The following ZFYVE9 variants were observed in gnomAD, a reference collection of about 807,000 sequenced individuals.
ZFYVE9 encodes zinc finger FYVE domain-containing protein 9.
Under a neutral mutation model 126.7 loss-of-function variants are expected in ZFYVE9, and 43 were observed. The ratio of observed to expected loss-of-function variants is 0.34; its 90% CI spans 0.27 to 0.44. ZFYVE9 has a LOEUF of 0.44. Ranked by LOEUF, ZFYVE9 falls within the 20% of genes least tolerant of loss-of-function variation. ZFYVE9 has a pLI of 1.00. For missense variants in ZFYVE9, 1,476 were observed against 1,697.0 expected (o/e 0.87, Z 2.29); for synonymous variants, 521 against 597.4 (o/e 0.87, Z 1.87).
Position 52,239,032 on chromosome 1 carries a change from G to A in ZFYVE9, c.1615G>A (p.Gly539Ser). Residue 539 changes from glycine (G) to serine (S), a missense_variant, in exon 4 of 19, where the codon GGT becomes AGT. Physicochemically the swap from Gly to Ser is moderately conservative, Grantham distance 56 (BLOSUM62 0). Coordinates refer to ENST00000287727, the MANE Select transcript of ZFYVE9 (RefSeq NM_004799.4). ...GAGTGGACTACTTTTAAACAGCACT[G>A]GTGACCTAATGAAGAAAAATTATTT... ...EGSGLLLNST[G>S]DLMKKNYLHN... The A allele has an allele frequency of 1.2e-6, 2 of 1,614,090 alleles. No homozygotes were observed. The highest frequency in any genetic ancestry group is 2.2e-5 in the East Asian group (1 of 44,878).
chr1:52,314,028 T>C (rs1300295714), intron 13 of ZFYVE9, among the ~76,000 whole-genome samples: 1 of 152,122 alleles, frequency 6.6e-6, no homozygotes, highest in Non-Finnish European at 1.5e-5. Context: ...AGAGAAAAGG[T>C]GGTGGACCTA....
intron 11 of ZFYVE9, among the ~76,000 whole-genome samples, chr1:52,294,439 A>G (rs1291948103): frequency 6.6e-6 from 1 of 152,252 alleles, no homozygotes. Context: ...GTTCTCAGCA[A>G]GTCAACTTCA....
intron 4 of ZFYVE9, among the ~76,000 whole-genome samples, chr1:52,258,975 T>G (rs1040260214): frequency 3.3e-5 from 5 of 152,180 alleles, no homozygotes. Context: ...ACTCACTACT[T>G]CTGAATGTTC....
Position 52,305,777 on chromosome 1 carries a change from G to A in ZFYVE9, c.3438+1852G>A, listed in dbSNP as rs116096999. ...ACCCAGGCATCCTCGTGCTTGGGAA[G>A]GCCCCCCTCCCTTACAGCCCTGGAA... On this transcript the variant is annotated intron_variant, in intron 13 of 18. Transcript: ENST00000287727. Among the ~76,000 whole-genome samples the A allele has an allele frequency of 7.3e-3, 1,116 of 152,254 alleles. 15 individuals are homozygous for A. Among genetic ancestry groups the A allele is most frequent in the African/African-American group, 0.026 (1,075 of 41,576 alleles).
chr1:52,277,692 C>G (rs1224274852), intron 8 of ZFYVE9, among the ~76,000 whole-genome samples: 1 of 152,144 alleles, frequency 6.6e-6, no homozygotes, highest in Non-Finnish European at 1.5e-5. Context: ...AAGCAACATT[C>G]AACTTTTAGG....
chr1:52,205,184 C>T (rs1377116976), intron 1 of ZFYVE9, among the ~76,000 whole-genome samples: 2 of 150,134 alleles, frequency 1.3e-5, no homozygotes, highest in African/African-American at 4.9e-5. Context: ...AAGCAATCTT[C>T]CCACCTCAGT....
intron 4 of ZFYVE9, 21 bp from the exon 5 acceptor site, chr1:52,263,752 T>TGGGGGGGGGGG: frequency 2.1e-6 from 2 of 975,008 alleles, no homozygotes; most frequent in Non-Finnish European, 1.5e-6. Flanking sequence ...TTGTGTGTTC[T>TGGGGGGGGGGG]TCCCCCCCCC....
chr1:52,340,904 CAAAAAAAAAAAAAA>C lies in ZFYVE9; in HGVS notation c.3939+689_3939+702del, dbSNP rs10608842. On this transcript the variant is annotated intron_variant, in intron 17 of 18. Transcript: ENST00000287727. ...TAGGCAACAGAGCAAGACTCCGTCT[CAAAAAAAAAAAAAA>C]AAAAAAAAAAAAAAACTAGGCCGGG... Among the ~76,000 whole-genome samples the C allele has an allele frequency of 5.5e-3, 555 of 100,700 alleles. 13 individuals are homozygous for C. In the South Asian group the frequency reaches 0.065, roughly 12 times the overall value. The allele number at this position is 100,700 out of a possible 152,430, so 66.1% of individuals were successfully genotyped here. A position where few individuals can be genotyped will look rare whatever the true frequency, so the allele number is the denominator to read the frequency against.
chr1:52,245,089 C>T lies in ZFYVE9; in HGVS notation c.2178+5494C>T, dbSNP rs1645370956. On this transcript the variant is annotated intron_variant, in intron 4 of 18. Transcript: ENST00000287727. ...ACGAGAATTATTTGAACCCAGGAGG[C>T]AGAGGTTGCAGTGAGCCGAGATCGA... Among the ~76,000 whole-genome samples the T allele has an allele frequency of 2.6e-5, 4 of 151,524 alleles. No individual in the cohort carries two copies. In the South Asian group the frequency reaches 8.3e-4, roughly 32 times the overall value.
chr1:52,268,717 C>T lies in ZFYVE9; in HGVS notation c.2625+85C>T, dbSNP rs868730021. The T allele has an allele frequency of 2.0e-6, 3 of 1,484,006 alleles. No individual in the cohort carries two copies. The Middle Eastern group carries it at 5.6e-4, about 279-fold the overall frequency. 91.9% of individuals were successfully genotyped at this position (1,484,006 alleles called of 1,614,324 possible). On this transcript the variant is annotated intron_variant, in intron 7 of 18. Coordinates refer to ENST00000287727, the MANE Select transcript of ZFYVE9 (RefSeq NM_004799.4). ...TCTGTTGAATTACTTTTGTGTGGAA[C>T]TCTGTAGGTTTTGGATACAACTTAG...
chr1:52,213,891 T>A (rs559294600), intron 1 of ZFYVE9, among the ~76,000 whole-genome samples: 2 of 152,168 alleles, frequency 1.3e-5, no homozygotes, highest in East Asian at 3.9e-4. Context: ...ATATAGAGAC[T>A]CCAAGGTTCT....
At chr1:52,318,370 ATGTGTGTGTGTG>A (rs59683935) in intron 13 of ZFYVE9, among the ~76,000 whole-genome samples, 3,833 of 143,714 alleles carry the variant, frequency 0.027, 85 homozygotes, top group East Asian at 0.16. Flanking sequence ...GCATGATTGT[ATGTGTGTGTGTG>A]TGTGTGTGTG....
chr1:52,220,593 C>A (rs1033468529), intron 2 of ZFYVE9, among the ~76,000 whole-genome samples: 2 of 152,194 alleles, frequency 1.3e-5, no homozygotes, highest in Admixed American at 1.3e-4. Context: ...CCATCTTCCA[C>A]TTGCCTAGTA....
intron 1 of ZFYVE9, among the ~76,000 whole-genome samples, chr1:52,199,896 C>T (rs2124566866): frequency 6.6e-6 from 1 of 152,248 alleles, no homozygotes; most frequent in African/African-American, 2.4e-5. Flanking sequence ...GGTGGAATCT[C>T]ATAGTTATTT....
chr1:52,149,089 G>A (rs1012991071), intron 1 of ZFYVE9, among the ~76,000 whole-genome samples: 1 of 147,250 alleles, frequency 6.8e-6, no homozygotes, highest in Admixed American at 7.0e-5. Context: ...CCAGCCTCTC[G>A]AGTAGCTGTT....
chr1:52,175,662 C>G (rs1170221067), intron 1 of ZFYVE9, among the ~76,000 whole-genome samples: 2 of 152,126 alleles, frequency 1.3e-5, no homozygotes, highest in Non-Finnish European at 2.9e-5. Context: ...TAGATTTGGT[C>G]TTTTCACATA....
At chr1:52,277,631 C>A (rs1284984736) in intron 8 of ZFYVE9, among the ~76,000 whole-genome samples, 1 of 152,106 alleles carries the variant, frequency 6.6e-6, no homozygotes, top group African/African-American at 2.4e-5. Context: ...AATGATGTTA[C>A]TTTGTTCTAC....
At chr1:52,290,543 G>A (rs933100373) in intron 10 of ZFYVE9, among the ~76,000 whole-genome samples, 6 of 151,934 alleles carry the variant, frequency 3.9e-5, no homozygotes, top group African/African-American at 1.5e-4. Flanking sequence ...TTTTCTCTTT[G>A]ACAAATTATC....
At chr1:52,229,764 G>A (rs1252526432) in intron 2 of ZFYVE9, among the ~76,000 whole-genome samples, 2 of 152,138 alleles carry the variant, frequency 1.3e-5, no homozygotes, top group South Asian at 4.1e-4. Flanking sequence ...TTTATAGATG[G>A]TGATAAATAT....
Sources: allele counts gnomAD v4.1 joint callset (sites outside exome capture counted in the v4.1 genomes callset), GRCh38; gene constraint gnomAD v4.1.1; transcripts MANE v1.5; gene names NCBI Gene and HGNC (gene_info 2026-07-23, HGNC 2026-07-21).